Variants in LIMA1 observed in about 807,000 individuals in gnomAD.
LIMA1 encodes LIM domain and actin binding 1, also known as LIM domain and actin-binding protein 1.
In LIMA1, 52 loss-of-function variants were observed where a neutral mutation model predicts 62.6. That is an observed-to-expected ratio of 0.83 (90% confidence interval 0.67 to 1.05). LIMA1 has a LOEUF of 1.05. Ranked by LOEUF, LIMA1 falls within the 50% of genes least tolerant of loss-of-function variation. LIMA1 has a pLI of 0.00. For synonymous variants in LIMA1, 302 were observed against 317.8 expected (o/e 0.95, Z 0.53); for missense variants, 780 against 902.2 (o/e 0.86, Z 1.74).
chr12:50,212,818 T>A, intron 4 of LIMA1, among the ~76,000 whole-genome samples: 1 of 152,102 alleles, frequency 6.6e-6, no homozygotes, highest in Admixed American at 6.6e-5. Flanking sequence ...TTTAATTTTA[T>A]TTTTTATTTT....
chr12:50,240,656 G>C (rs1216893647), intron 2 of LIMA1, among the ~76,000 whole-genome samples: 1 of 152,172 alleles, frequency 6.6e-6, no homozygotes, highest in Non-Finnish European at 1.5e-5. Flanking sequence ...GGAAGATCAA[G>C]AGTTCAATGC....
intron 4 of LIMA1, among the ~76,000 whole-genome samples, chr12:50,213,322 T>G (rs1479498048): frequency 6.6e-6 from 1 of 152,258 alleles, no homozygotes; most frequent in South Asian, 2.1e-4. Flanking sequence ...TTCAAAGATA[T>G]GTAGGGCCCA....
intron 2 of LIMA1, among the ~76,000 whole-genome samples, chr12:50,241,248 T>C (rs1941772586): frequency 6.6e-6 from 1 of 152,224 alleles, no homozygotes; most frequent in Admixed American, 6.5e-5. Flanking sequence ...TACAGTGGAT[T>C]GTAGCTATTA....
intron 1 of LIMA1, among the ~76,000 whole-genome samples, chr12:50,267,362 C>T (rs1312977711): frequency 6.6e-6 from 1 of 151,708 alleles, no homozygotes; most frequent in Non-Finnish European, 1.5e-5. Context: ...TGAGCCACCG[C>T]ACCCGGTCAC....
chr12:50,201,578 C>T, intron 6 of LIMA1: 1 of 934,736 alleles, frequency 1.1e-6, no homozygotes, highest in Non-Finnish European at 1.3e-6. Context: ...GTGAATATTA[C>T]AATTAACTCA....
chr12:50,267,462 C>G (rs1942153156), intron 1 of LIMA1, among the ~76,000 whole-genome samples: 1 of 151,800 alleles, frequency 6.6e-6, no homozygotes, highest in Non-Finnish European at 1.5e-5. Context: ...GATGATCCAC[C>G]CTCCTTGGCC....
intron 2 of LIMA1, among the ~76,000 whole-genome samples, chr12:50,243,158 G>A (rs927193901): frequency 6.6e-6 from 1 of 152,144 alleles, no homozygotes; most frequent in Non-Finnish European, 1.5e-5. Context: ...AAAGGACCAT[G>A]GGACACAAGC....
At chr12:50,245,743 A>T (rs1444092199) in intron 2 of LIMA1, among the ~76,000 whole-genome samples, 1 of 152,060 alleles carries the variant, frequency 6.6e-6, no homozygotes, top group Non-Finnish European at 1.5e-5. Context: ...GCTAGAAGCC[A>T]GCGTCCCCTG....
intron 1 of LIMA1, among the ~76,000 whole-genome samples, chr12:50,275,265 G>C (rs1010619116): frequency 2.6e-5 from 4 of 152,066 alleles, no homozygotes; most frequent in African/African-American, 9.7e-5. Context: ...TACTCCGGAG[G>C]TCTGAGGCAT....
intron 4 of LIMA1, among the ~76,000 whole-genome samples, chr12:50,216,206 C>T (rs1941342762): frequency 1.3e-5 from 2 of 152,138 alleles, no homozygotes; most frequent in Admixed American, 1.3e-4. Context: ...CTAAGTGTCA[C>T]CGTGGCATTT....
At chr12:50,226,072 G>T (rs997477105) in intron 3 of LIMA1, among the ~76,000 whole-genome samples, 1 of 151,728 alleles carries the variant, frequency 6.6e-6, no homozygotes, top group Non-Finnish European at 1.5e-5. Context: ...TTTGAGACAG[G>T]TTCTTGCTCT....
chr12:50,216,256 C>A (rs1941343917), intron 4 of LIMA1, among the ~76,000 whole-genome samples: 1 of 151,984 alleles, frequency 6.6e-6, no homozygotes. Context: ...CTCTTGCTGC[C>A]CAGGCTGGGA....
At chr12:50,273,743 T>C (rs1407504666) in intron 1 of LIMA1, among the ~76,000 whole-genome samples, 5 of 152,178 alleles carry the variant, frequency 3.3e-5, no homozygotes. Flanking sequence ...TTTCAGAGCA[T>C]GTGTTAATAG....
At chr12:50,280,958 G>T (rs1942333217) in intron 1 of LIMA1, among the ~76,000 whole-genome samples, 1 of 152,118 alleles carries the variant, frequency 6.6e-6, no homozygotes, top group Non-Finnish European at 1.5e-5. Flanking sequence ...TACTAACTTA[G>T]GACTCGTTAT....
intron 2 of LIMA1, among the ~76,000 whole-genome samples, chr12:50,243,989 A>AC (rs1435429477): frequency 6.6e-6 from 1 of 151,808 alleles, no homozygotes; most frequent in African/African-American, 2.4e-5. Flanking sequence ...ATCTTGGCTC[A>AC]CCACAACCTC....
At chr12:50,243,870 C>T (rs1325960151) in intron 2 of LIMA1, among the ~76,000 whole-genome samples, 1 of 152,058 alleles carries the variant, frequency 6.6e-6, no homozygotes, top group Non-Finnish European at 1.5e-5. Context: ...AAGCCCCTTC[C>T]TCATATAGTT....
chr12:50,246,677 C>T (rs185567618), intron 2 of LIMA1, among the ~76,000 whole-genome samples: 2 of 152,280 alleles, frequency 1.3e-5, no homozygotes, highest in African/African-American at 4.8e-5. Context: ...CGAGGTCTTC[C>T]ATCTGGCCCT....
rs34408114 is a variant in LIMA1 at position 50,217,905 on chromosome 12, C to CTT, written c.630+4114_630+4115dup. On this transcript the variant is annotated intron_variant, in intron 4 of 10. Coordinates refer to ENST00000341247, the MANE Select transcript of LIMA1 (RefSeq NM_016357.5). ...GCATTTCAAGTGATGAATTTCTTTT[C>CTT]TTTTTTTTTTTTTTTTTTTGAGACG... The CTT allele has an allele frequency of 1.2e-3, 151 of 124,798 alleles. 1 individual carries two copies. Among genetic ancestry groups the CTT allele is most frequent in the Middle Eastern group, 3.9e-3 (1 of 256 alleles). 7.7% of individuals were successfully genotyped at this position (124,798 alleles called of 1,614,324 possible). A position where few individuals can be genotyped will look rare whatever the true frequency, so the allele number is the denominator to read the frequency against.
At chr12:50,248,550 T>C (rs1392883664) in intron 2 of LIMA1, 83 bp downstream of exon 2, 2 of 838,536 alleles carry the variant, frequency 2.4e-6, no homozygotes, top group Non-Finnish European at 4.1e-6. Context: ...TTTTACATTA[T>C]GTACTTCCTT....
Sources: gnomAD v4.1 joint callset for allele counts (sites outside exome capture counted in the v4.1 genomes callset) on GRCh38, gnomAD v4.1.1 for gene constraint, MANE v1.5 for transcripts, NCBI Gene and HGNC (gene_info 2026-07-23, HGNC 2026-07-21) for gene names.